Variants in RIN2 observed in about 807,000 individuals in gnomAD.
RIN2 encodes the protein RAB5 interacting protein 2.
In RIN2, 36 loss-of-function variants were observed where a neutral mutation model predicts 78.0. The observed-to-expected ratio is 0.46, with a 90% confidence interval of 0.35 to 0.61. RIN2 has a LOEUF of 0.61. RIN2 is among the 20% of genes least tolerant of loss of function. RIN2 has a pLI of 0.00. For missense variants in RIN2, 1,087 were observed against 1,159.7 expected (o/e 0.94, Z 0.91); for synonymous variants, 466 against 466.8 (o/e 1.00, Z 0.02).
intron 2 of RIN2, among the ~76,000 whole-genome samples, chr20:19,856,323 T>A (rs139390144): frequency 1.0e-3 from 154 of 152,280 alleles, no homozygotes; most frequent in Non-Finnish European, 1.7e-3. Context: ...AAATTCAGCC[T>A]GGTCAACATA....
At chr20:19,887,817 T>C (rs2038263357) in intron 2 of RIN2, among the ~76,000 whole-genome samples, 1 of 152,196 alleles carries the variant, frequency 6.6e-6, no homozygotes, top group South Asian at 2.1e-4. Context: ...TCAAATCCCC[T>C]GCCGAAGAAA....
chr20:19,838,472 G>A (rs888953450), intron 2 of RIN2, among the ~76,000 whole-genome samples: 3 of 151,988 alleles, frequency 2.0e-5, no homozygotes, highest in Non-Finnish European at 2.9e-5. Flanking sequence ...ATATTTCATT[G>A]TATGGACATA....
intron 2 of RIN2, among the ~76,000 whole-genome samples, chr20:19,803,312 TG>T (rs1223994430): frequency 6.6e-6 from 1 of 152,202 alleles, no homozygotes; most frequent in Non-Finnish European, 1.5e-5. Flanking sequence ...AGAACAAAGC[TG>T]GAGGCATCCA....
intron 5 of RIN2, among the ~76,000 whole-genome samples, chr20:19,959,394 C>G (rs372827992): frequency 1.3e-5 from 2 of 152,092 alleles, no homozygotes; most frequent in Admixed American, 6.5e-5. Context: ...CTCTTACCCC[C>G]CTGGATGCTA....
rs10605325 is a variant in RIN2, at chr20:19,764,918, G to GTTTTTTTTTTTTTTTTTTTTT, written c.-163+6596_-163+6616dup. Among the ~76,000 whole-genome samples the GTTTTTTTTTTTTTTTTTTTTT allele has an allele frequency of 2.2e-4, 11 of 50,386 alleles. 4 individuals carry two copies. Among genetic ancestry groups the GTTTTTTTTTTTTTTTTTTTTT allele is most frequent in the Non-Finnish European group, 2.9e-4 (8 of 27,468 alleles). The allele number at this position is 50,386 out of a possible 152,430, so 33.1% of individuals were successfully genotyped here. On this transcript the variant is annotated intron_variant, in intron 1 of 12. Coordinates refer to ENST00000255006, the MANE Select transcript of RIN2 (RefSeq NM_018993.4). ...GGGCAAGTCCCACTTCACTTTCTGC[G>GTTTTTTTTTTTTTTTTTTTTT]TTTTTTTTTTTTTTTTTTTTTTTTT...
At chr20:19,994,436 G>A (rs1430173533) in intron 11 of RIN2, among the ~76,000 whole-genome samples, 7 of 152,198 alleles carry the variant, frequency 4.6e-5, no homozygotes, top group African/African-American at 7.2e-5. Context: ...CCAAAAAGGC[G>A]TCATAGAATC....
intron 2 of RIN2, among the ~76,000 whole-genome samples, chr20:19,806,679 C>T (rs182373546): frequency 6.6e-6 from 1 of 152,232 alleles, no homozygotes; most frequent in East Asian, 1.9e-4. Context: ...GGATGATTGC[C>T]TGAGCACAGA....
At chr20:19,813,980 T>C (rs1292213264) in intron 2 of RIN2, among the ~76,000 whole-genome samples, 1 of 152,200 alleles carries the variant, frequency 6.6e-6, no homozygotes, top group Admixed American at 6.5e-5. Flanking sequence ...TAATTTGAAA[T>C]GATGAATAAT....
intron 1 of RIN2, among the ~76,000 whole-genome samples, chr20:19,766,361 C>T (rs2033884676): frequency 6.6e-6 from 1 of 152,098 alleles, no homozygotes. Context: ...AGGCACTCTC[C>T]CTCTTTTAAA....
In RIN2 at chr20:19,798,633, C is replaced by T. The variant is rs1279093620; in HGVS notation, c.-162-989C>T. Among the ~76,000 whole-genome samples the T allele has an allele frequency of 9.2e-5, 14 of 151,912 alleles. No individual in the cohort carries two copies. The East Asian group carries it at 1.8e-3, about 19-fold the overall frequency. On this transcript the variant is annotated intron_variant, in intron 1 of 12. Coordinates refer to ENST00000255006, the MANE Select transcript of RIN2 (RefSeq NM_018993.4). ...AGAAACACATATACGTGTGTGTGTG[C>T]ACGTGTGTGCATGTGTGTTTGTGTG...
intron 5 of RIN2, among the ~76,000 whole-genome samples, chr20:19,958,090 CAG>C (rs1336254765): frequency 1.3e-5 from 2 of 152,224 alleles, no homozygotes; most frequent in Non-Finnish European, 2.9e-5. Context: ...TCCTAGCAGT[CAG>C]AGTCTGTCTG....
At chr20:19,947,177 C>T (rs2041132500) in intron 4 of RIN2, among the ~76,000 whole-genome samples, 1 of 152,130 alleles carries the variant, frequency 6.6e-6, no homozygotes, top group Non-Finnish European at 1.5e-5. Context: ...GAAACATTGT[C>T]AGTTTCTAAC....
intron 2 of RIN2, among the ~76,000 whole-genome samples, chr20:19,814,697 A>G (rs778460052): frequency 3.3e-5 from 5 of 152,110 alleles, no homozygotes; most frequent in African/African-American, 4.8e-5. Flanking sequence ...GAACTCAAGC[A>G]TCCTCCCACC....
In RIN2 at chr20:19,781,063, G is replaced by C. The variant is rs556140951; in HGVS notation, c.-162-18559G>C. ...TCCAGGTGATAATGCAGGGATCCAG[G>C]CTGTTTTAATCTTGTATCATGTCAT... On this transcript the variant is annotated intron_variant, in intron 1 of 12. Coordinates refer to ENST00000255006, the MANE Select transcript of RIN2 (RefSeq NM_018993.4). 2.0e-5 allele frequency among the ~76,000 whole-genome samples: 3 copies of C among 152,294 alleles called. No individual in the cohort carries two copies. The South Asian group carries it at 6.2e-4, about 32-fold the overall frequency.
At chr20:19,852,529 G>A (rs1417431492) in intron 2 of RIN2, among the ~76,000 whole-genome samples, 1 of 152,150 alleles carries the variant, frequency 6.6e-6, no homozygotes, top group Non-Finnish European at 1.5e-5. Flanking sequence ...TTGGTTGGGC[G>A]ATCCTAAAGG....
intron 2 of RIN2, among the ~76,000 whole-genome samples, chr20:19,841,065 G>A (rs895832380): frequency 7.2e-5 from 11 of 151,928 alleles, no homozygotes; most frequent in East Asian, 1.9e-4. Flanking sequence ...TTAACTACCC[G>A]GCAAGGACTT....
chr20:19,884,991 T>C (rs1404964329), intron 2 of RIN2, among the ~76,000 whole-genome samples: 2 of 152,218 alleles, frequency 1.3e-5, no homozygotes, highest in African/African-American at 4.8e-5. Context: ...TCTTGTTTAC[T>C]GAGACTGAAG....
intron 9 of RIN2, among the ~76,000 whole-genome samples, chr20:19,987,548 C>G (rs946769303): frequency 6.6e-6 from 1 of 152,150 alleles, no homozygotes; most frequent in Admixed American, 6.5e-5. Flanking sequence ...GTTAAACGGA[C>G]ATAATATTAG....
intron 9 of RIN2, among the ~76,000 whole-genome samples, chr20:19,980,906 G>C (rs908103398): frequency 2.6e-5 from 4 of 152,182 alleles, no homozygotes; most frequent in African/African-American, 7.2e-5. Context: ...CCACTTTGGA[G>C]CTTCTCAGTT....
Sources: allele counts gnomAD v4.1 joint callset (sites outside exome capture counted in the v4.1 genomes callset), GRCh38; gene constraint gnomAD v4.1.1; transcripts MANE v1.5; gene names NCBI Gene and HGNC (gene_info 2026-07-23, HGNC 2026-07-21).